PIP5K1B: variants seen among roughly 807,000 people sequenced by gnomAD.
PIP5K1B encodes the protein phosphatidylinositol 4-phosphate 5-kinase type-1 beta.
In PIP5K1B, 42 loss-of-function variants were observed where a neutral mutation model predicts 67.0. That is an observed-to-expected ratio of 0.63 (90% CI 0.49 to 0.81). The LOEUF is 0.81. Ranked by LOEUF, PIP5K1B falls within the 30% of genes least tolerant of loss-of-function variation. The pLI is 0.00. For synonymous variants in PIP5K1B, 214 were observed against 231.4 expected (o/e 0.92, Z 0.68); for missense variants, 459 against 646.3 (o/e 0.71, Z 3.14).
At chr9:68,737,290 T>A (rs575742967) in intron 1 of PIP5K1B, among the ~76,000 whole-genome samples, 17 of 152,364 alleles carry the variant, frequency 1.1e-4, no homozygotes, top group Non-Finnish European at 2.5e-4. Flanking sequence ...GGAGTGTGCA[T>A]GGCGGCATAT....
chr9:68,927,491 T>C (rs1325903186), intron 12 of PIP5K1B, among the ~76,000 whole-genome samples: 1 of 152,232 alleles, frequency 6.6e-6, no homozygotes, highest in Non-Finnish European at 1.5e-5. Flanking sequence ...AGTATCTCAC[T>C]GTAGTTTTGA....
At chr9:68,877,161 C>G (rs1432604739) in intron 6 of PIP5K1B, among the ~76,000 whole-genome samples, 1 of 152,206 alleles carries the variant, frequency 6.6e-6, no homozygotes, top group African/African-American at 2.4e-5. Context: ...CCATTCCTCT[C>G]AACTACCTTG....
chr9:68,750,370 T>A (rs1356212350), intron 2 of PIP5K1B, among the ~76,000 whole-genome samples: 2 of 152,234 alleles, frequency 1.3e-5, no homozygotes, highest in African/African-American at 4.8e-5. Flanking sequence ...CTGGATAAGC[T>A]GTAACAACAA....
At chr9:68,867,929 CT>C (rs1253403425) in intron 5 of PIP5K1B, among the ~76,000 whole-genome samples, 3 of 152,308 alleles carry the variant, frequency 2.0e-5, no homozygotes, top group Admixed American at 1.3e-4. Flanking sequence ...TCCGTTTCCC[CT>C]AGCAACCAAA....
At chr9:68,823,246 C>T (rs183309164) in intron 4 of PIP5K1B, among the ~76,000 whole-genome samples, 1 of 152,192 alleles carries the variant, frequency 6.6e-6, no homozygotes, top group Non-Finnish European at 1.5e-5. Flanking sequence ...TCACAGGTCC[C>T]AAGGATTAGA....
At chr9:68,846,142 G>A (rs1389659617) in intron 4 of PIP5K1B, among the ~76,000 whole-genome samples, 1 of 152,172 alleles carries the variant, frequency 6.6e-6, no homozygotes, top group East Asian at 1.9e-4. Flanking sequence ...GGAAGTCATT[G>A]CATTAGAGTC....
At chr9:68,788,423 C>T in intron 2 of PIP5K1B, 1 of 565,298 alleles carries the variant, frequency 1.8e-6, no homozygotes, top group Non-Finnish European at 3.2e-6. Context: ...CCAGCTGCTG[C>T]ATCTTAACTA....
At chr9:68,788,362 G>A in intron 2 of PIP5K1B, 1 of 947,190 alleles carries the variant, frequency 1.1e-6, no homozygotes, top group Non-Finnish European at 1.6e-6. Context: ...GCCCTTAAAG[G>A]GTTTGTACTT....
chr9:68,926,926 G>A (rs2132564217), intron 12 of PIP5K1B, among the ~76,000 whole-genome samples: 1 of 152,144 alleles, frequency 6.6e-6, no homozygotes, highest in East Asian at 1.9e-4. Context: ...ATACCCATTA[G>A]CAGTCACTCC....
At chr9:68,972,091 GT>G in intron 14 of PIP5K1B, among the ~76,000 whole-genome samples, 1 of 152,142 alleles carries the variant, frequency 6.6e-6, no homozygotes, top group Admixed American at 6.6e-5. Context: ...TAATGCCTAG[GT>G]TTTCTTCTAG....
intron 1 of PIP5K1B, among the ~76,000 whole-genome samples, chr9:68,708,396 T>C (rs1827224492): frequency 6.6e-6 from 1 of 152,228 alleles, no homozygotes; most frequent in Non-Finnish European, 1.5e-5. Flanking sequence ...CATAAGATAA[T>C]TTGCCTACAG....
chr9:68,877,600 A>T (rs1823960874), intron 6 of PIP5K1B, among the ~76,000 whole-genome samples: 1 of 152,214 alleles, frequency 6.6e-6, no homozygotes, highest in African/African-American at 2.4e-5. Flanking sequence ...ATCCTGGGAT[A>T]ATGCTTTTCA....
At chr9:68,865,022 T>C (rs1489132984) in intron 5 of PIP5K1B, among the ~76,000 whole-genome samples, 1 of 152,218 alleles carries the variant, frequency 6.6e-6, no homozygotes, top group Non-Finnish European at 1.5e-5. Flanking sequence ...TTTGTGGACA[T>C]GCAGTAACCC....
chr9:68,762,176 C>G (rs1208954952), intron 2 of PIP5K1B, among the ~76,000 whole-genome samples: 1 of 151,966 alleles, frequency 6.6e-6, no homozygotes, highest in East Asian at 1.9e-4. Context: ...GATCATGTTC[C>G]TATCCACAAA....
chr9:68,994,828 T>G (rs1308539945), intron 15 of PIP5K1B, among the ~76,000 whole-genome samples: 2 of 152,196 alleles, frequency 1.3e-5, no homozygotes, highest in African/African-American at 4.8e-5. Context: ...TGATCTCAGT[T>G]TTCTCATCTA....
At chr9:68,848,684 G>T (rs1440675285) in intron 4 of PIP5K1B, among the ~76,000 whole-genome samples, 1 of 152,186 alleles carries the variant, frequency 6.6e-6, no homozygotes, top group African/African-American at 2.4e-5. Context: ...TTTCTGCCCT[G>T]TGAGAGCATA....
At position 68,823,567 on chromosome 9, in the gene PIP5K1B, C is replaced by G. The variant is rs139081140; in HGVS notation, c.69+884C>G. Among the ~76,000 whole-genome samples, 64 of 152,270 alleles carry G rather than the reference C, an allele frequency of 4.2e-4. No individual in the cohort carries two copies. In the East Asian group the frequency reaches 0.011, roughly 27 times the overall value. On this transcript the variant is annotated intron_variant, in intron 4 of 15. Transcript: ENST00000265382. ...GACTTCCTAATGTATCTTAACTTAC[C>G]AGTCTTTGATAAATTCTCGACTCCC...
At chr9:68,867,531 G>C (rs1823420354) in intron 5 of PIP5K1B, among the ~76,000 whole-genome samples, 1 of 152,156 alleles carries the variant, frequency 6.6e-6, no homozygotes, top group African/African-American at 2.4e-5. Context: ...TACCTTTCAG[G>C]AGATCTTTGG....
At position 68,968,129 on chromosome 9, in the gene PIP5K1B, A is replaced by G. The variant is rs1196314990; in HGVS notation, c.1503-23011A>G. Among the ~76,000 whole-genome samples, 3 of 152,226 alleles carry G rather than the reference A, an allele frequency of 2.0e-5. No individual in the cohort carries two copies. The East Asian group carries it at 5.8e-4, about 29-fold the overall frequency. On this transcript the variant is annotated intron_variant, in intron 14 of 15. Transcript: ENST00000265382. ...TTGGGCATGCTTCCACAATTTCTCT[A>G]AAAGTCCCTTTCCTCATCTATATAA...
Sources: allele counts gnomAD v4.1 joint callset (sites outside exome capture counted in the v4.1 genomes callset), GRCh38; gene constraint gnomAD v4.1.1; transcripts MANE v1.5; gene names NCBI Gene and HGNC (gene_info 2026-07-23, HGNC 2026-07-21).